DGKB: variants seen among roughly 807,000 people sequenced by gnomAD.
DGKB encodes 90 kDa diacylglycerol kinase.
In DGKB, 67 loss-of-function variants were observed where a neutral mutation model predicts 114.3. The ratio of observed to expected loss-of-function variants is 0.59; its 90% CI spans 0.48 to 0.72. The LOEUF (loss-of-function observed/expected upper bound fraction) is 0.72, where lower values mean the gene tolerates loss of function less well. Ranked by LOEUF, DGKB falls within the 30% of genes least tolerant of loss-of-function variation. The pLI is 0.00. For missense variants in DGKB, 907 were observed against 975.2 expected, an observed-to-expected ratio of 0.93 and a Z score of 0.93; for synonymous variants, 398 against 323.1, an observed-to-expected ratio of 1.23 and a Z score of -2.49.
chr7:14,944,039 A>C (rs879307922), intron 1 of DGKB, among the ~76,000 whole-genome samples: 4 of 151,938 alleles, frequency 2.6e-5, no homozygotes, highest in Non-Finnish European at 5.9e-5. Context: ...TGATAAATGA[A>C]TTAAAGCTCA....
chr7:14,864,822 C>T (rs1486511226), intron 1 of DGKB, among the ~76,000 whole-genome samples: 1 of 150,870 alleles, frequency 6.6e-6, no homozygotes, highest in African/African-American at 2.4e-5. Flanking sequence ...GGGCTAGAAG[C>T]CAGATCAGGT....
chr7:14,258,801 T>TA (rs901151947), intron 23 of DGKB, among the ~76,000 whole-genome samples: 3 of 152,174 alleles, frequency 2.0e-5, no homozygotes, highest in Admixed American at 6.5e-5. Flanking sequence ...TATAAAGGAA[T>TA]AAAAAAGAAT....
At chr7:14,817,676 C>G (rs978734268) in intron 2 of DGKB, among the ~76,000 whole-genome samples, 1 of 152,004 alleles carries the variant, frequency 6.6e-6, no homozygotes, top group Non-Finnish European at 1.5e-5. Context: ...ATACATTTTT[C>G]CTTCTTGCCA....
intron 21 of DGKB, among the ~76,000 whole-genome samples, chr7:14,464,845 T>C (rs1238310668): frequency 6.6e-6 from 1 of 152,170 alleles, no homozygotes; most frequent in African/African-American, 2.4e-5. Context: ...TGACCCGTTA[T>C]TCATTTTTCT....
At chr7:14,840,699 AACACACACACACACACACACACACAC>A (rs57577998) in intron 2 of DGKB, among the ~76,000 whole-genome samples, 4 of 130,292 alleles carry the variant, frequency 3.1e-5, no homozygotes, top group African/African-American at 1.1e-4. Flanking sequence ...ACTCTCTTTT[AACACACACACACACACACACACACAC>A]ACACACACAC....
chr7:14,306,865 G>T (rs1400925626), intron 23 of DGKB, among the ~76,000 whole-genome samples: 1 of 152,058 alleles, frequency 6.6e-6, no homozygotes, highest in African/African-American at 2.4e-5. Context: ...CTTCAAATGT[G>T]TCCTCTTGCC....
At chr7:14,486,195 C>T (rs1783780983) in intron 20 of DGKB, among the ~76,000 whole-genome samples, 1 of 152,134 alleles carries the variant, frequency 6.6e-6, no homozygotes, top group Non-Finnish European at 1.5e-5. Context: ...CCCATTGTCC[C>T]TCCCATTCAG....
chr7:14,955,004 A>T (rs1292319706), intron 1 of DGKB, among the ~76,000 whole-genome samples: 3 of 152,096 alleles, frequency 2.0e-5, no homozygotes, highest in Non-Finnish European at 4.4e-5. Flanking sequence ...GAAAAGGAAG[A>T]GTACAATAGA....
intron 23 of DGKB, among the ~76,000 whole-genome samples, chr7:14,221,048 A>C (rs1476639526): frequency 1.3e-5 from 2 of 151,422 alleles, no homozygotes; most frequent in Non-Finnish European, 3.0e-5. Context: ...CTCATTGATT[A>C]GTTCTAATAT....
intron 8 of DGKB, among the ~76,000 whole-genome samples, chr7:14,695,649 G>A (rs1384381770): frequency 6.6e-6 from 1 of 151,648 alleles, no homozygotes; most frequent in Non-Finnish European, 1.5e-5. Context: ...ACAGGCGTCC[G>A]CCACTACGCC....
At chr7:14,479,335 A>G (rs142836270) in intron 20 of DGKB, among the ~76,000 whole-genome samples, 12 of 152,278 alleles carry the variant, frequency 7.9e-5, no homozygotes, top group Non-Finnish European at 1.8e-4. Flanking sequence ...GCACAAAAAG[A>G]GAGGGACCAA....
At chr7:14,961,606 G>A (rs562300785) in intron 1 of DGKB, among the ~76,000 whole-genome samples, 2 of 152,208 alleles carry the variant, frequency 1.3e-5, no homozygotes, top group South Asian at 4.2e-4. Context: ...TTGAGCTGGG[G>A]TCACTCTTCT....
intron 23 of DGKB, among the ~76,000 whole-genome samples, chr7:14,237,951 C>A (rs184614844): frequency 1.3e-5 from 2 of 152,132 alleles, no homozygotes; most frequent in East Asian, 3.9e-4. Flanking sequence ...TATATTACTA[C>A]ATATGTCACT....
chr7:14,971,181 A>G (rs1293790253), intron 1 of DGKB, among the ~76,000 whole-genome samples: 1 of 152,160 alleles, frequency 6.6e-6, no homozygotes, highest in African/African-American at 2.4e-5. Flanking sequence ...TTTTCAACTC[A>G]AAATATTTTC....
intron 21 of DGKB, among the ~76,000 whole-genome samples, chr7:14,357,944 T>C (rs1814902755): frequency 6.6e-6 from 1 of 152,126 alleles, no homozygotes; most frequent in Non-Finnish European, 1.5e-5. Flanking sequence ...GCTTGTAGAG[T>C]TTCTGCAGAG....
At chr7:14,390,260 T>G (rs58579468) in intron 21 of DGKB, among the ~76,000 whole-genome samples, 1,958 of 152,292 alleles carry the variant, frequency 0.013, 32 homozygotes, top group African/African-American at 0.041. Context: ...ATCAGAACTT[T>G]CCTGATGTAG....
intron 23 of DGKB, among the ~76,000 whole-genome samples, chr7:14,205,087 AT>A (rs1205843070): frequency 6.6e-6 from 1 of 151,846 alleles, no homozygotes; most frequent in Non-Finnish European, 1.5e-5. Flanking sequence ...CTCTCTAAAG[AT>A]TGTATAACAG....
At chr7:14,488,247 T>C (rs1370644037) in intron 20 of DGKB, among the ~76,000 whole-genome samples, 4 of 152,104 alleles carry the variant, frequency 2.6e-5, no homozygotes, top group Non-Finnish European at 4.4e-5. Flanking sequence ...GAAGAGAATA[T>C]AAATTATAAA....
chr7:14,639,740 A>G (rs1437874661), intron 13 of DGKB, among the ~76,000 whole-genome samples: 1 of 152,064 alleles, frequency 6.6e-6, no homozygotes, highest in Non-Finnish European at 1.5e-5. Context: ...CCCTCCCTTC[A>G]TTATAGGTTG....
Sources: gnomAD v4.1 joint callset for allele counts (sites outside exome capture counted in the v4.1 genomes callset) on GRCh38, gnomAD v4.1.1 for gene constraint, MANE v1.5 for transcripts, NCBI Gene and HGNC (gene_info 2026-07-23, HGNC 2026-07-21) for gene names.